The following ANOS1 variants were observed in gnomAD, a reference collection of about 807,000 sequenced individuals.
The protein encoded by ANOS1 is anosmin 1, also known as anosmin-1.
A neutral mutation model predicts 59.0 loss-of-function variants in ANOS1; 6 were observed. The observed-to-expected ratio is 0.10, with a 90% CI of 0.06 to 0.20. ANOS1 has a LOEUF of 0.20. ANOS1 is among the 10% of genes least tolerant of loss of function. The pLI is 1.00. For missense variants in ANOS1, 433 were observed against 542.3 expected, an observed-to-expected ratio of 0.80 and a Z score of 2.00; for synonymous variants, 217 against 223.4, an observed-to-expected ratio of 0.97 and a Z score of 0.25.
intron 2 of ANOS1, among the ~76,000 whole-genome samples, chrX:8,659,003 C>G (rs181395152): frequency 2.7e-5 from 3 of 111,152 alleles, no homozygotes; most frequent in Non-Finnish European, 3.8e-5. Flanking sequence ...CCGAGGCGGG[C>G]GGATCACGTC....
chrX:8,533,155 T>C, intron 13 of ANOS1, 102 bp from the exon 14 acceptor site: 1 of 535,596 alleles, frequency 1.9e-6, no homozygotes, highest in South Asian at 2.5e-5. Context: ...CTGGCAAATG[T>C]TCCTTCCTAT....
At chrX:8,675,790 G>A (rs752915458) in intron 2 of ANOS1, among the ~76,000 whole-genome samples, 1 of 108,270 alleles carries the variant, frequency 9.2e-6, no homozygotes, top group South Asian at 4.2e-4. Context: ...TTTGCTGAAC[G>A]TATCGACCCA....
intron 2 of ANOS1, among the ~76,000 whole-genome samples, chrX:8,677,495 AC>A (rs998111072): frequency 9.0e-6 from 1 of 111,536 alleles, no homozygotes; most frequent in African/African-American, 3.3e-5. Flanking sequence ...ACGGATGGAT[AC>A]CCCCTTCTTC....
intron 6 of ANOS1, among the ~76,000 whole-genome samples, chrX:8,583,796 A>G (rs1320509711): frequency 1.8e-5 from 2 of 112,188 alleles, no homozygotes; most frequent in Non-Finnish European, 3.8e-5. Context: ...TCATTCAATA[A>G]AAGTCCACTT....
chrX:8,700,108 G>A (rs1185700537), intron 1 of ANOS1, among the ~76,000 whole-genome samples: 1 of 112,218 alleles, frequency 8.9e-6, no homozygotes, highest in African/African-American at 3.2e-5. Flanking sequence ...AAGCATTGTG[G>A]ATGCTTTTGA....
intron 3 of ANOS1, among the ~76,000 whole-genome samples, chrX:8,619,725 G>T (rs1044268188): frequency 8.9e-6 from 1 of 112,282 alleles, no homozygotes; most frequent in South Asian, 3.7e-4. Flanking sequence ...GAGAGATCAC[G>T]ATATGAGAAT....
chrX:8,588,753 C>T (rs763246364), intron 4 of ANOS1, among the ~76,000 whole-genome samples: 3 of 112,227 alleles, frequency 2.7e-5, no homozygotes, highest in Non-Finnish European at 5.6e-5. Flanking sequence ...TGTCTGGCAA[C>T]TGATACATTG....
intron 1 of ANOS1, among the ~76,000 whole-genome samples, chrX:8,701,271 A>C (rs1291081779): frequency 3.6e-5 from 4 of 111,875 alleles, no homozygotes; most frequent in Non-Finnish European, 7.5e-5. Flanking sequence ...TGAACGTCTA[A>C]ACTTTTAATA....
Position 8,530,611 on chromosome X carries a change from T to A in ANOS1, c.*2384A>T, listed in dbSNP as rs184042868. 3 of 110,357 alleles carry A rather than the reference T, an allele frequency of 2.7e-5. No homozygotes were observed. The highest frequency in any genetic ancestry group is 1.9e-4 in the Admixed American group (2 of 10,304). 9.1% of individuals were successfully genotyped at this position (110,357 alleles called of 1,213,427 possible). On this transcript the variant is annotated 3_prime_UTR_variant, in exon 14 of 14. Coordinates refer to ENST00000262648, the MANE Select transcript of ANOS1 (RefSeq NM_000216.4). ...GAAGCCCATAAGAGCTGCTTTAGAT[T>A]TTTTTAAGGGAGATGTAAGCTTCAG...
intron 2 of ANOS1, among the ~76,000 whole-genome samples, chrX:8,646,658 G>C (rs778846108): frequency 9.0e-6 from 1 of 110,521 alleles, no homozygotes; most frequent in East Asian, 2.9e-4. Flanking sequence ...CTGGACCGGC[G>C]TGGTGGCTCA....
At chrX:8,637,776 C>G (rs982455101) in intron 2 of ANOS1, among the ~76,000 whole-genome samples, 1 of 112,487 alleles carries the variant, frequency 8.9e-6, no homozygotes, top group African/African-American at 3.2e-5. Context: ...GAAGTAGAAG[C>G]TGCATTTCCC....
intron 8 of ANOS1, among the ~76,000 whole-genome samples, chrX:8,555,467 A>G (rs1005904426): frequency 8.9e-6 from 1 of 111,830 alleles, no homozygotes; most frequent in African/African-American, 3.2e-5. Flanking sequence ...CATTAACAAA[A>G]CAGATAGACT....
At chrX:8,606,086 C>T (rs1044839080) in intron 3 of ANOS1, among the ~76,000 whole-genome samples, 1 of 111,285 alleles carries the variant, frequency 9.0e-6, no homozygotes, top group African/African-American at 3.3e-5. Context: ...ATATTCGGTA[C>T]CCAGATAAAA....
At chrX:8,664,828 T>G (rs1357947054) in intron 2 of ANOS1, among the ~76,000 whole-genome samples, 2 of 111,782 alleles carry the variant, frequency 1.8e-5, no homozygotes, top group Non-Finnish European at 3.8e-5. Flanking sequence ...TCTGCCTCCA[T>G]CACAGGCTCT....
intron 3 of ANOS1, among the ~76,000 whole-genome samples, chrX:8,607,804 T>C (rs1610051): frequency 0.43 from 42,283 of 98,653 alleles, 5,803 homozygotes; most frequent in South Asian, 0.56. Context: ...ACAGGTGAAA[T>C]TGTGAAAATG....
intron 8 of ANOS1, among the ~76,000 whole-genome samples, chrX:8,559,346 T>C (rs1169900739): frequency 2.8e-5 from 1 of 35,519 alleles, no homozygotes; most frequent in Non-Finnish European, 6.3e-5. Context: ...AACTTTTTTT[T>C]CCCTATTGTC....
intron 1 of ANOS1, among the ~76,000 whole-genome samples, chrX:8,726,511 A>G (rs941676113): frequency 3.6e-5 from 4 of 111,700 alleles, no homozygotes; most frequent in African/African-American, 1.3e-4. Flanking sequence ...ACAGACACAC[A>G]TACACACACA....
chrX:8,577,927 C>G (rs945412247), intron 6 of ANOS1, among the ~76,000 whole-genome samples: 1 of 111,619 alleles, frequency 9.0e-6, no homozygotes, highest in African/African-American at 3.3e-5. Flanking sequence ...GCAGGCTCCT[C>G]TAGGTTTAAG....
At chrX:8,709,718 GT>G (rs1932800465) in intron 1 of ANOS1, among the ~76,000 whole-genome samples, 1 of 111,846 alleles carries the variant, frequency 8.9e-6, no homozygotes, top group Non-Finnish European at 1.9e-5. Flanking sequence ...TGTAGGTGTT[GT>G]GTTCTTAATA....
Sources: allele counts gnomAD v4.1 joint callset (sites outside exome capture counted in the v4.1 genomes callset), GRCh38; gene constraint gnomAD v4.1.1; transcripts MANE v1.5; gene names NCBI Gene and HGNC (gene_info 2026-07-23, HGNC 2026-07-21).